Variants in TNKS observed in about 807,000 individuals in gnomAD.
TNKS encodes poly [ADP-ribose] polymerase tankyrase-1.
TNKS carries 72 observed loss-of-function variants against 135.8 expected under a neutral mutation model. That is an observed-to-expected ratio of 0.53 (90% CI 0.44 to 0.64). The LOEUF is 0.64. Among genes scored for constraint, TNKS ranks in the 30% least tolerant of loss-of-function variants. The pLI, the probability that TNKS is intolerant of heterozygous loss-of-function variation, is 0.00. For synonymous variants in TNKS, 849 were observed against 649.3 expected, an observed-to-expected ratio of 1.31 and a Z score of -4.68; for missense variants, 1,769 against 1,674.0, an observed-to-expected ratio of 1.06 and a Z score of -0.99.
chr8:9,636,631 A>T (rs984327165), intron 3 of TNKS, among the ~76,000 whole-genome samples: 2 of 151,888 alleles, frequency 1.3e-5, no homozygotes, highest in Non-Finnish European at 2.9e-5. Flanking sequence ...TCTGAAGAAA[A>T]CTCTTGGGCA....
chr8:9,684,575 A>G (rs1585324834), intron 5 of TNKS, among the ~76,000 whole-genome samples: 1 of 152,124 alleles, frequency 6.6e-6, no homozygotes, highest in African/African-American at 2.4e-5. Flanking sequence ...CATATTTCCA[A>G]ATAGAAATAA....
chr8:9,609,378 C>T (rs1799361454), intron 2 of TNKS, among the ~76,000 whole-genome samples: 2 of 152,198 alleles, frequency 1.3e-5, no homozygotes, highest in African/African-American at 4.8e-5. Context: ...AAGTTTCCAA[C>T]CAGAGCTGTA....
At chr8:9,626,273 A>G (rs541942510) in intron 3 of TNKS, among the ~76,000 whole-genome samples, 2 of 152,036 alleles carry the variant, frequency 1.3e-5, no homozygotes, top group African/African-American at 2.4e-5. Context: ...TTTACTTTCA[A>G]CCTGCCAATA....
chr8:9,736,182 G>A (rs1563200514), intron 17 of TNKS, among the ~76,000 whole-genome samples: 1 of 150,928 alleles, frequency 6.6e-6, no homozygotes, highest in Admixed American at 6.6e-5. Context: ...TGTTATACAG[G>A]CATGGAAAGT....
chr8:9,610,181 TGGTA>T (rs34228758), intron 2 of TNKS, among the ~76,000 whole-genome samples: 43,677 of 151,882 alleles, frequency 0.29, 6,562 homozygotes, highest in East Asian at 0.38. Context: ...TTACTGTTAG[TGGTA>T]AATCAACTTC....
chr8:9,594,663 T>A (rs1798707394), intron 2 of TNKS, among the ~76,000 whole-genome samples: 1 of 152,224 alleles, frequency 6.6e-6, no homozygotes, highest in South Asian at 2.1e-4. Context: ...AATCTCATTT[T>A]AAAGGCTTCT....
chr8:9,663,056 G>C (rs1258090678), intron 3 of TNKS, among the ~76,000 whole-genome samples: 1 of 152,214 alleles, frequency 6.6e-6, no homozygotes, highest in Non-Finnish European at 1.5e-5. Context: ...ACGATCTGAT[G>C]ACAGAATTAG....
chr8:9,752,204 A>G (rs1422082298), intron 19 of TNKS, among the ~76,000 whole-genome samples: 3 of 152,180 alleles, frequency 2.0e-5, no homozygotes, highest in East Asian at 1.9e-4. Context: ...AGATGTTTCT[A>G]TATAAGTAGC....
At chr8:9,564,629 G>A (rs1797455748) in intron 1 of TNKS, among the ~76,000 whole-genome samples, 2 of 152,184 alleles carry the variant, frequency 1.3e-5, no homozygotes, top group Admixed American at 1.3e-4. Flanking sequence ...ATTGAAGGCA[G>A]TTGCTTCTTA....
At chr8:9,627,962 G>A (rs533810557) in intron 3 of TNKS, among the ~76,000 whole-genome samples, 7 of 152,028 alleles carry the variant, frequency 4.6e-5, no homozygotes, top group Non-Finnish European at 8.8e-5. Flanking sequence ...AGCTGCACTC[G>A]TGTACAATGC....
intron 3 of TNKS, among the ~76,000 whole-genome samples, chr8:9,617,931 G>A (rs1288499095): frequency 2.7e-5 from 4 of 149,220 alleles, no homozygotes; most frequent in Admixed American, 6.6e-5. Context: ...CTGTGTACAA[G>A]TATTTATGTG....
At chr8:9,666,141 C>T (rs529470354) in intron 3 of TNKS, among the ~76,000 whole-genome samples, 7 of 152,312 alleles carry the variant, frequency 4.6e-5, no homozygotes, top group Middle Eastern at 3.4e-3. Context: ...GCTTCCAGCT[C>T]ATGATGGTTT....
intron 3 of TNKS, among the ~76,000 whole-genome samples, chr8:9,617,353 G>A (rs555928352): frequency 6.6e-6 from 1 of 152,232 alleles, no homozygotes; most frequent in South Asian, 2.1e-4. Flanking sequence ...GAAATTCTTG[G>A]TCATAATACT....
At chr8:9,571,687 G>A (rs568530216) in intron 1 of TNKS, among the ~76,000 whole-genome samples, 2 of 152,236 alleles carry the variant, frequency 1.3e-5, no homozygotes, top group South Asian at 4.2e-4. Context: ...TCGATCTCCT[G>A]ACCTCATGAT....
At chr8:9,622,427 C>T (rs138319983) in intron 3 of TNKS, among the ~76,000 whole-genome samples, 2 of 152,270 alleles carry the variant, frequency 1.3e-5, no homozygotes, top group Non-Finnish European at 2.9e-5. Context: ...TGAATCCTCA[C>T]AATGAAGCTG....
chr8:9,710,456 G>A, intron 11 of TNKS: 1 of 574,604 alleles, frequency 1.7e-6, no homozygotes, highest in Non-Finnish European at 3.1e-6. Context: ...ACAAAATATA[G>A]CTATAGTCAT....
intron 3 of TNKS, among the ~76,000 whole-genome samples, chr8:9,658,993 C>CA (rs1801564186): frequency 3.3e-5 from 5 of 152,122 alleles, no homozygotes; most frequent in Non-Finnish European, 7.4e-5. Flanking sequence ...AAAGAAGGCC[C>CA]TTACATAATG....
chr8:9,616,048 A>G (rs977095234), intron 3 of TNKS, among the ~76,000 whole-genome samples: 6 of 152,312 alleles, frequency 3.9e-5, no homozygotes, highest in Admixed American at 2.0e-4. Flanking sequence ...GATTGGAAAG[A>G]CAACCTGCTG....
chr8:9,634,679 G>A (rs1019037169), intron 3 of TNKS, among the ~76,000 whole-genome samples: 2 of 152,106 alleles, frequency 1.3e-5, no homozygotes, highest in Non-Finnish European at 2.9e-5. Context: ...GAATCACTGC[G>A]GGAAACAAAC....
Sources: allele counts gnomAD v4.1 joint callset (sites outside exome capture counted in the v4.1 genomes callset), GRCh38; gene constraint gnomAD v4.1.1; transcripts MANE v1.5; gene names NCBI Gene and HGNC (gene_info 2026-07-23, HGNC 2026-07-21).